EDN1: variants seen among roughly 807,000 people sequenced by gnomAD.
EDN1 encodes endothelin-1.
A neutral mutation model predicts 21.7 loss-of-function variants in EDN1; 11 were observed. The observed-to-expected ratio is 0.51, with a 90% CI of 0.32 to 0.84. The LOEUF is 0.84. Among genes scored for constraint, EDN1 ranks in the 40% least tolerant of loss-of-function variants. The pLI is 0.03. For synonymous variants in EDN1, 85 were observed against 90.6 expected (o/e 0.94, Z 0.35); for missense variants, 244 against 262.3 (o/e 0.93, Z 0.48).
At chr6:12,249,014 A>G in the EDN1 span, among the ~76,000 whole-genome samples, 62 of 152,338 alleles carry the variant, frequency 4.1e-4, no homozygotes, top group African/African-American at 1.4e-3. Flanking sequence ...TTTAGCACAA[A>G]TGTTGAAGAA....
At chr6:12,250,476 T>C in the EDN1 span, among the ~76,000 whole-genome samples, 2 of 152,192 alleles carry the variant, frequency 1.3e-5, no homozygotes, top group Non-Finnish European at 2.9e-5. Context: ...CTTGTCTTCT[T>C]ATCACTATCA....
chr6:12,267,160 G>A, the EDN1 span, among the ~76,000 whole-genome samples: 3 of 152,108 alleles, frequency 2.0e-5, no homozygotes, highest in Non-Finnish European at 4.4e-5. Flanking sequence ...CATTGAGCAA[G>A]TCTATTGGCA....
At chr6:12,236,948 T>A in the EDN1 span, among the ~76,000 whole-genome samples, 1 of 151,754 alleles carries the variant, frequency 6.6e-6, no homozygotes, top group Non-Finnish European at 1.5e-5. Context: ...TTACATTAGG[T>A]ATTTCTCCTA....
chr6:12,294,349 T>C lies in EDN1; in HGVS notation c.478T>C (p.Leu160=), dbSNP rs767323529. 3.7e-6 allele frequency: 6 copies of C among 1,613,814 alleles called. No homozygotes were observed. In the South Asian group the frequency reaches 6.6e-5, roughly 18 times the overall value. ...KLGKKCIYQQ[L]VRGRKIRRSS... ...TGGGAAAAAGTGTATTTATCAGCAG[T>C]TAGTGAGAGGAAGAAAAATCAGAAG... is the stretch of plus-strand genomic sequence containing the variant. The change falls in exon 4 of 5, where the codon TTA becomes CTA. Residue 160 remains leucine, a synonymous_variant. Transcript: ENST00000379375.
At position 12,293,871 on chromosome 6, in the gene EDN1, G is replaced by C. The variant is rs1762752683; in HGVS notation, c.234-70G>C. 4.5e-6 allele frequency: 7 copies of C among 1,555,576 alleles called. 1 individual carries two copies. Among genetic ancestry groups the C allele is most frequent in the Non-Finnish European group, 8.8e-7 (1 of 1,134,740 alleles). ...GCTCCTTGTGTGCCCAGTGGAATAG[G>C]TGTGTCCATGTGTCATTTTAAAGAC... On this transcript the variant is annotated intron_variant, in intron 2 of 4. Transcript: ENST00000379375.
chr6:12,282,216 T>G, the EDN1 span, among the ~76,000 whole-genome samples: 1 of 152,134 alleles, frequency 6.6e-6, no homozygotes, highest in South Asian at 2.1e-4. Context: ...TTGGGAAAAA[T>G]GAAGCCACTG....
chr6:12,276,789 C>T, the EDN1 span, among the ~76,000 whole-genome samples: 1 of 152,200 alleles, frequency 6.6e-6, no homozygotes, highest in African/African-American at 2.4e-5. Flanking sequence ...GCTCAAACAC[C>T]AATGCCTGGG....
rs553081608 is a variant in EDN1, at chr6:12,296,339, G to A, written c.*272G>A. 359 of 411,978 alleles carry A rather than the reference G, an allele frequency of 8.7e-4. 1 individual carries two copies. Among genetic ancestry groups the A allele is most frequent in the South Asian group, 8.1e-3 (347 of 43,088 alleles). 25.5% of individuals were successfully genotyped at this position (411,978 alleles called of 1,614,324 possible). Reference sequence around the variant, plus strand: ...TCAGCAGAAACACACAGTCACATTCGAATTCGGGTGGCATCCTCCGGAGAG... The same window carrying A: ...TCAGCAGAAACACACAGTCACATTCAAATTCGGGTGGCATCCTCCGGAGAG... On this transcript the variant is annotated 3_prime_UTR_variant, in exon 5 of 5. Coordinates refer to ENST00000379375, the MANE Select transcript of EDN1 (RefSeq NM_001955.5).
upstream of EDN1, among the ~76,000 whole-genome samples, chr6:12,290,082 G>A (rs1476236648): frequency 6.6e-6 from 1 of 152,154 alleles, no homozygotes; most frequent in Non-Finnish European, 1.5e-5. Context: ...AGCTTGCAAA[G>A]GGGAAGCGGA....
At chr6:12,257,898 C>T in the EDN1 span, among the ~76,000 whole-genome samples, 2 of 152,080 alleles carry the variant, frequency 1.3e-5, no homozygotes, top group Non-Finnish European at 1.5e-5. Context: ...TCTAGCAGGG[C>T]GTATTACCCA....
At chr6:12,250,190 G>T in the EDN1 span, among the ~76,000 whole-genome samples, 1 of 151,830 alleles carries the variant, frequency 6.6e-6, no homozygotes, top group Non-Finnish European at 1.5e-5. Context: ...ACAAAAAAGT[G>T]TTCACTGACT....
At chr6:12,242,354 T>A in the EDN1 span, among the ~76,000 whole-genome samples, 1 of 145,698 alleles carries the variant, frequency 6.9e-6, no homozygotes, top group Non-Finnish European at 1.5e-5. Flanking sequence ...TTGTGTGGAC[T>A]AGAAGGTGGT....
At chr6:12,240,198 A>C in the EDN1 span, among the ~76,000 whole-genome samples, 2 of 152,148 alleles carry the variant, frequency 1.3e-5, no homozygotes, top group African/African-American at 2.4e-5. Context: ...CCTTTCCCAG[A>C]CAGCCAGCAG....
chr6:12,269,605 T>A, the EDN1 span, among the ~76,000 whole-genome samples: 1 of 151,924 alleles, frequency 6.6e-6, no homozygotes, highest in Non-Finnish European at 1.5e-5. Flanking sequence ...GATTCTATAA[T>A]GTTTATTGAT....
At chr6:12,280,043 T>TA in the EDN1 span, among the ~76,000 whole-genome samples, 9 of 151,592 alleles carry the variant, frequency 5.9e-5, no homozygotes, top group Non-Finnish European at 7.4e-5. Context: ...AGTTGCTTTT[T>TA]AAAAAAAAAT....
upstream of EDN1, among the ~76,000 whole-genome samples, chr6:12,286,626 A>G (rs1762561971): frequency 6.6e-6 from 1 of 152,248 alleles, no homozygotes; most frequent in African/African-American, 2.4e-5. Context: ...TGGCAAAGTT[A>G]CAAATTTTAT....
the EDN1 span, among the ~76,000 whole-genome samples, chr6:12,235,540 A>G: frequency 2.0e-5 from 3 of 152,230 alleles, no homozygotes; most frequent in Admixed American, 1.3e-4. Context: ...AATGGCTAGT[A>G]TGTAATGCCA....
At chr6:12,231,162 A>G in the EDN1 span, among the ~76,000 whole-genome samples, 1,041 of 152,328 alleles carry the variant, frequency 6.8e-3, 14 homozygotes, top group African/African-American at 0.024. Flanking sequence ...ACTTTCAGCC[A>G]TCTAACCCTG....
the EDN1 span, among the ~76,000 whole-genome samples, chr6:12,243,154 T>G: frequency 6.6e-6 from 1 of 152,182 alleles, no homozygotes; most frequent in Admixed American, 6.5e-5. Context: ...TACTGTATTC[T>G]TATGATAAAG....
Sources: gnomAD v4.1 joint callset for allele counts (sites outside exome capture counted in the v4.1 genomes callset) on GRCh38, gnomAD v4.1.1 for gene constraint, MANE v1.5 for transcripts, NCBI Gene and HGNC (gene_info 2026-07-23, HGNC 2026-07-21) for gene names.